GALNT7: variants seen among roughly 807,000 people sequenced by gnomAD.
The protein encoded by GALNT7 is polypeptide N-acetylgalactosaminyltransferase 7, also known as N-acetylgalactosaminyltransferase 7.
Under a neutral mutation model 82.1 loss-of-function variants are expected in GALNT7, and 60 were observed. That is an observed-to-expected ratio of 0.73 (90% CI 0.59 to 0.91). The LOEUF (loss-of-function observed/expected upper bound fraction) is 0.91. GALNT7 is among the 40% of genes least tolerant of loss of function. The pLI, the probability that GALNT7 is intolerant of heterozygous loss-of-function variation, is 0.00. For missense variants in GALNT7, 660 were observed against 804.2 expected (o/e 0.82, Z 2.17); for synonymous variants, 243 against 275.1 (o/e 0.88, Z 1.15).
At chr4:173,192,514 G>A (rs1318569372) in intron 1 of GALNT7, among the ~76,000 whole-genome samples, 1 of 152,180 alleles carries the variant, frequency 6.6e-6, no homozygotes, top group Admixed American at 6.5e-5. Context: ...GTCTGGAGAG[G>A]TATCAGAATC....
intron 1 of GALNT7, among the ~76,000 whole-genome samples, chr4:173,179,244 T>G (rs1477062127): frequency 6.6e-6 from 1 of 152,244 alleles, no homozygotes; most frequent in Admixed American, 6.5e-5. Context: ...TTGCCAAAAC[T>G]TTTTTGGAGC....
At chr4:173,234,165 T>C (rs995314437) in intron 1 of GALNT7, among the ~76,000 whole-genome samples, 1 of 152,224 alleles carries the variant, frequency 6.6e-6, no homozygotes, top group African/African-American at 2.4e-5. Context: ...TTTCCACATA[T>C]TGGGCTAGTC....
intron 1 of GALNT7, among the ~76,000 whole-genome samples, chr4:173,237,118 G>A (rs369737184): frequency 2.0e-5 from 3 of 152,098 alleles, no homozygotes; most frequent in African/African-American, 7.2e-5. Context: ...ATTTCTAGTC[G>A]TGCCATGGTA....
At chr4:173,310,008 A>G (rs1172458181) in intron 8 of GALNT7, among the ~76,000 whole-genome samples, 1 of 152,190 alleles carries the variant, frequency 6.6e-6, no homozygotes, top group Non-Finnish European at 1.5e-5. Context: ...ATACCATACA[A>G]ACTACCCAGT....
At chr4:173,305,689 GA>G (rs568682105) in intron 8 of GALNT7, among the ~76,000 whole-genome samples, 56 of 152,130 alleles carry the variant, frequency 3.7e-4, no homozygotes, top group African/African-American at 1.3e-3. Context: ...CATCTACCTT[GA>G]AAATCAATTG....
chr4:173,313,214 C>G (rs917104958), intron 8 of GALNT7, among the ~76,000 whole-genome samples: 1 of 152,062 alleles, frequency 6.6e-6, no homozygotes, highest in East Asian at 1.9e-4. Context: ...TTTTGTTTCT[C>G]ATGATGGTTT....
chr4:173,176,027 C>T (rs1252471421), intron 1 of GALNT7, among the ~76,000 whole-genome samples: 8 of 151,676 alleles, frequency 5.3e-5, no homozygotes, highest in Non-Finnish European at 1.0e-4. Flanking sequence ...AAGTGGAGCT[C>T]GCGCCACTAC....
chr4:173,233,161 G>A (rs562537764), intron 1 of GALNT7, among the ~76,000 whole-genome samples: 1 of 152,270 alleles, frequency 6.6e-6, no homozygotes, highest in South Asian at 2.1e-4. Context: ...GGTTGATTCT[G>A]TATCTTGGCT....
At chr4:173,301,525 A>G (rs553562360) in intron 6 of GALNT7, among the ~76,000 whole-genome samples, 13 of 152,328 alleles carry the variant, frequency 8.5e-5, no homozygotes, top group African/African-American at 2.9e-4. Context: ...TTTCTGTGCT[A>G]CATTTGCAAA....
At chr4:173,273,418 C>T (rs1735795506) in intron 2 of GALNT7, among the ~76,000 whole-genome samples, 1 of 152,050 alleles carries the variant, frequency 6.6e-6, no homozygotes, top group South Asian at 2.1e-4. Flanking sequence ...CTGTGTTTAC[C>T]ATAAGGAGGC....
chr4:173,299,169 T>C (rs1305807725), intron 6 of GALNT7, among the ~76,000 whole-genome samples: 1 of 152,216 alleles, frequency 6.6e-6, no homozygotes, highest in African/African-American at 2.4e-5. Context: ...GGGAAGGTGC[T>C]TCCAATGTTA....
At chr4:173,199,891 C>T (rs970957096) in intron 1 of GALNT7, among the ~76,000 whole-genome samples, 2 of 152,106 alleles carry the variant, frequency 1.3e-5, no homozygotes, top group Non-Finnish European at 2.9e-5. Flanking sequence ...ATTATCATAA[C>T]GATGACCCTA....
At chr4:173,220,590 C>A (rs978191740) in intron 1 of GALNT7, among the ~76,000 whole-genome samples, 1 of 151,936 alleles carries the variant, frequency 6.6e-6, no homozygotes, top group South Asian at 2.1e-4. Context: ...CATGCTGGTG[C>A]GCTGCACCCA....
In GALNT7 at chr4:173,298,176, C is replaced by T; in HGVS notation, c.1027C>T (p.Gln343Ter). 6.2e-7 allele frequency: 1 copy of T among 1,613,878 alleles called. No homozygotes were observed. Among genetic ancestry groups the T allele is most frequent in the Non-Finnish European group, 8.5e-7 (1 of 1,179,832 alleles). ...INGNTYEIIP[Q>*]GGGDEDGYAR... ...TGGCAACACATATGAAATTATACCC[C>T]AAGGGGGTGGTGATGAAGATGGGTA... is the stretch of plus-strand genomic sequence containing the variant. The change falls in exon 6 of 12, where the codon CAA becomes TAA. Residue 343 changes from glutamine to a stop codon, truncating the protein, a stop_gained. Coordinates refer to ENST00000265000, the MANE Select transcript of GALNT7 (RefSeq NM_017423.3). LOFTEE classifies it high-confidence loss of function.
chr4:173,177,824 A>G (rs1732099263), intron 1 of GALNT7, among the ~76,000 whole-genome samples: 1 of 152,154 alleles, frequency 6.6e-6, no homozygotes, highest in Admixed American at 6.5e-5. Flanking sequence ...TGGCCCAGAA[A>G]AACTGGTTCA....
intron 9 of GALNT7, among the ~76,000 whole-genome samples, chr4:173,314,473 T>C (rs7658148): frequency 0.46 from 70,181 of 152,012 alleles, 18,562 homozygotes; most frequent in East Asian, 0.67. Context: ...CTAATTTCAA[T>C]TTATCTTACT....
chr4:173,228,960 C>G (rs1156712649), intron 1 of GALNT7, among the ~76,000 whole-genome samples: 1 of 152,102 alleles, frequency 6.6e-6, no homozygotes, highest in Admixed American at 6.5e-5. Context: ...ACTAACATGC[C>G]TTAGGCAGTG....
intron 9 of GALNT7, chr4:173,316,301 T>C (rs1379748554): frequency 1.3e-5 from 2 of 152,426 alleles, no homozygotes; most frequent in African/African-American, 2.4e-5. Flanking sequence ...GATACACGCA[T>C]GCATGGCCAG....
rs535441629 is a variant in GALNT7, at chr4:173,265,088, G to A, written c.587+16648G>A. Among the ~76,000 whole-genome samples, 32 of 152,358 alleles carry A rather than the reference G, an allele frequency of 2.1e-4. 1 individual carries two copies. In the South Asian group the frequency reaches 6.4e-3, roughly 31 times the overall value. On this transcript the variant is annotated intron_variant, in intron 2 of 11. Coordinates refer to ENST00000265000, the MANE Select transcript of GALNT7 (RefSeq NM_017423.3). ...TCAACACTGTGCCCATCCTGGCAAG[G>A]AGAGCATCAGACGCAGCCAGGATAC...
Sources: allele counts gnomAD v4.1 joint callset (sites outside exome capture counted in the v4.1 genomes callset), GRCh38; gene constraint gnomAD v4.1.1; transcripts MANE v1.5; gene names NCBI Gene and HGNC (gene_info 2026-07-23, HGNC 2026-07-21).